PLS1: variants seen among roughly 807,000 people sequenced by gnomAD.
PLS1 encodes plastin-1.
A neutral mutation model predicts 73.7 loss-of-function variants in PLS1; 32 were observed. The observed-to-expected ratio is 0.43, with a 90% CI of 0.33 to 0.58. PLS1 has a LOEUF of 0.58. Among genes scored for constraint, PLS1 ranks in the 20% least tolerant of loss-of-function variants. The pLI, the probability that PLS1 is intolerant of heterozygous loss-of-function variation, is 0.04. For synonymous variants in PLS1, 217 were observed against 261.3 expected (o/e 0.83, Z 1.63); for missense variants, 633 against 740.5 (o/e 0.85, Z 1.68).
intron 1 of PLS1, among the ~76,000 whole-genome samples, chr3:142,625,732 T>G (rs551550563): frequency 1.3e-5 from 2 of 152,302 alleles, no homozygotes; most frequent in African/African-American, 4.8e-5. Flanking sequence ...CCCAGCACTT[T>G]GGGAGCTGAG....
chr3:142,642,719 G>T (rs141637881), intron 1 of PLS1, among the ~76,000 whole-genome samples: 29 of 152,128 alleles, frequency 1.9e-4, no homozygotes, highest in African/African-American at 6.0e-4. Flanking sequence ...TAGCTTAATG[G>T]CCATTTAAAA....
At chr3:142,674,288 G>A (rs1577874104) in intron 4 of PLS1, among the ~76,000 whole-genome samples, 1 of 152,140 alleles carries the variant, frequency 6.6e-6, no homozygotes, top group Non-Finnish European at 1.5e-5. Flanking sequence ...ATGAGGAGGC[G>A]AGAAGATAAG....
intron 1 of PLS1, among the ~76,000 whole-genome samples, chr3:142,655,895 TA>T (rs1244361795): frequency 1.3e-5 from 2 of 152,124 alleles, no homozygotes; most frequent in Non-Finnish European, 2.9e-5. Flanking sequence ...TGTTTGAAAA[TA>T]AAATTGTCTT....
At chr3:142,703,704 G>A (rs930831285) in intron 12 of PLS1, among the ~76,000 whole-genome samples, 164 bp from the exon 13 acceptor site, 1 of 152,128 alleles carries the variant, frequency 6.6e-6, no homozygotes, top group African/African-American at 2.4e-5. Context: ...ACTATAAAAT[G>A]GAAATAATTA....
intron 1 of PLS1, among the ~76,000 whole-genome samples, chr3:142,598,970 C>T (rs2035861980): frequency 6.6e-6 from 1 of 151,238 alleles, no homozygotes; most frequent in African/African-American, 2.4e-5. Flanking sequence ...CACTGCACTC[C>T]AGCATGGGCG....
intron 12 of PLS1, chr3:142,698,346 T>C (rs2038255189): frequency 8.1e-6 from 2 of 245,834 alleles, no homozygotes; most frequent in Admixed American, 5.5e-5. Context: ...TTACAATTGG[T>C]ATAACGTTCT....
intron 10 of PLS1, among the ~76,000 whole-genome samples, chr3:142,690,256 G>A (rs1020854208): frequency 6.6e-6 from 1 of 152,092 alleles, no homozygotes; most frequent in Non-Finnish European, 1.5e-5. Context: ...ATCGTTATCT[G>A]TCTCATAATA....
intron 3 of PLS1, 92 bp from the exon 4 acceptor site, chr3:142,670,901 G>A: frequency 1.2e-6 from 1 of 816,030 alleles, no homozygotes; most frequent in East Asian, 2.7e-5. Flanking sequence ...TTAATTTGGT[G>A]TCATTTCAAA....
intron 1 of PLS1, among the ~76,000 whole-genome samples, chr3:142,650,974 G>A (rs1309283365): frequency 6.6e-6 from 1 of 152,074 alleles, no homozygotes; most frequent in Admixed American, 6.5e-5. Flanking sequence ...TGACCTGCTG[G>A]CCCCTCATCT....
chr3:142,702,933 TGAAAG>T (rs943533593), intron 12 of PLS1, among the ~76,000 whole-genome samples: 5 of 152,148 alleles, frequency 3.3e-5, no homozygotes, highest in Admixed American at 2.6e-4. Context: ...CTCTAGTTGT[TGAAAG>T]GAAACACATA....
chr3:142,696,569 G>C (rs1478568346), intron 11 of PLS1, among the ~76,000 whole-genome samples: 1 of 151,778 alleles, frequency 6.6e-6, no homozygotes, highest in Non-Finnish European at 1.5e-5. Context: ...TACCAAAACA[G>C]CTAGATTTTC....
intron 2 of PLS1, among the ~76,000 whole-genome samples, chr3:142,665,506 C>A (rs2037463438): frequency 6.6e-6 from 1 of 151,994 alleles, no homozygotes; most frequent in African/African-American, 2.4e-5. Flanking sequence ...TATGTAGTGT[C>A]CAGAATCTTT....
At chr3:142,687,886 A>G (rs2038005068) in intron 9 of PLS1, among the ~76,000 whole-genome samples, 1 of 151,182 alleles carries the variant, frequency 6.6e-6, no homozygotes, top group Admixed American at 6.6e-5. Context: ...CATAAATGCC[A>G]TTTTTTTCAT....
Position 142,712,236 on chromosome 3 carries a change from G to T in PLS1, c.*229G>T. The T allele has an allele frequency of 2.8e-6, 1 of 355,496 alleles. No homozygotes were observed. The highest frequency in any genetic ancestry group is 9.7e-5 in the South Asian group (1 of 10,360). The allele number at this position is 355,496 out of a possible 1,614,324, so 22.0% of individuals were successfully genotyped here. ...GATAATAGAATATATTCATAATCAA[G>T]CTGATACTTCATGATTAAATTATTT... On this transcript the variant is annotated 3_prime_UTR_variant, in exon 16 of 16. Coordinates refer to ENST00000457734, the MANE Select transcript of PLS1 (RefSeq NM_001145319.2).
At chr3:142,645,033 G>A (rs747929672) in intron 1 of PLS1, among the ~76,000 whole-genome samples, 1 of 152,086 alleles carries the variant, frequency 6.6e-6, no homozygotes. Flanking sequence ...ACTCTAACCC[G>A]TTTGATAGAA....
At chr3:142,644,098 G>A (rs879465181) in intron 1 of PLS1, among the ~76,000 whole-genome samples, 1 of 152,068 alleles carries the variant, frequency 6.6e-6, no homozygotes, top group East Asian at 1.9e-4. Context: ...AAAGTGTTGG[G>A]ATTACAGGTG....
chr3:142,672,961 GCTTT>G (rs2037639215), intron 4 of PLS1, among the ~76,000 whole-genome samples: 1 of 152,072 alleles, frequency 6.6e-6, no homozygotes, highest in Non-Finnish European at 1.5e-5. Flanking sequence ...CCATTAAACT[GCTTT>G]CTATTTCTAC....
chr3:142,632,288 C>T (rs2036582808), intron 1 of PLS1, among the ~76,000 whole-genome samples: 1 of 152,148 alleles, frequency 6.6e-6, no homozygotes. Flanking sequence ...TTTCTATGCA[C>T]TTTCATCATC....
intron 1 of PLS1, among the ~76,000 whole-genome samples, chr3:142,622,735 T>C (rs987528037): frequency 2.0e-5 from 3 of 152,204 alleles, no homozygotes; most frequent in African/African-American, 7.2e-5. Context: ...CCGTGGGGCA[T>C]CTTCTGGTTT....
Sources: gnomAD v4.1 joint callset for allele counts (sites outside exome capture counted in the v4.1 genomes callset) on GRCh38, gnomAD v4.1.1 for gene constraint, MANE v1.5 for transcripts, NCBI Gene and HGNC (gene_info 2026-07-23, HGNC 2026-07-21) for gene names.